Variants in PDE10A observed in about 807,000 individuals in gnomAD.
PDE10A encodes cAMP and cAMP-inhibited cGMP 3',5'-cyclic phosphodiesterase 10A.
PDE10A carries 39 observed loss-of-function variants against 97.7 expected under a neutral mutation model. The ratio of observed to expected loss-of-function variants is 0.40; its 90% confidence interval spans 0.31 to 0.52. The LOEUF is 0.52. PDE10A is among the 20% of genes least tolerant of loss of function. The pLI, the probability that PDE10A is intolerant of heterozygous loss-of-function variation, is 0.56. For synonymous variants in PDE10A, 371 were observed against 376.8 expected (o/e 0.98, Z 0.18); for missense variants, 731 against 1,047.8 (o/e 0.70, Z 4.17).
chr6:165,823,497 T>TGAACCTTA (rs1293699861), intron 1 of PDE10A, among the ~76,000 whole-genome samples: 2 of 83,682 alleles, frequency 2.4e-5, no homozygotes, highest in Non-Finnish European at 5.6e-5. Flanking sequence ...TATATATATA[T>TGAACCTTA]ATATATATAT....
chr6:165,521,547 A>T (rs1782129380), intron 2 of PDE10A, among the ~76,000 whole-genome samples: 1 of 152,214 alleles, frequency 6.6e-6, no homozygotes, highest in South Asian at 2.1e-4. Flanking sequence ...CATGAGTGAT[A>T]CAAAAGAGAA....
intron 1 of PDE10A, among the ~76,000 whole-genome samples, chr6:165,603,764 C>A (rs1024731370): frequency 6.6e-6 from 1 of 152,168 alleles, no homozygotes; most frequent in African/African-American, 2.4e-5. Flanking sequence ...AGTTCAATGA[C>A]GTATGTGTTA....
At chr6:165,489,765 T>G (rs1780119239) in intron 2 of PDE10A, among the ~76,000 whole-genome samples, 2 of 151,830 alleles carry the variant, frequency 1.3e-5, no homozygotes, top group African/African-American at 4.8e-5. Context: ...AATCACAACT[T>G]CCGGAAATGA....
intron 1 of PDE10A, among the ~76,000 whole-genome samples, chr6:165,613,101 A>T (rs1177058992): frequency 6.6e-6 from 1 of 152,218 alleles, no homozygotes; most frequent in Non-Finnish European, 1.5e-5. Context: ...CATACTTTAA[A>T]CTAGAAAACA....
chr6:165,353,603 G>A (rs1295005297), intron 18 of PDE10A, among the ~76,000 whole-genome samples: 1 of 152,172 alleles, frequency 6.6e-6, no homozygotes, highest in Non-Finnish European at 1.5e-5. Flanking sequence ...AAACTTAAAT[G>A]CATATTACTT....
At chr6:165,861,397 G>C (rs534672226) in intron 1 of PDE10A, among the ~76,000 whole-genome samples, 34 of 151,348 alleles carry the variant, frequency 2.2e-4, no homozygotes, top group African/African-American at 7.5e-4. Flanking sequence ...TCTCGGGGGG[G>C]CGCTATGGAG....
intron 1 of PDE10A, among the ~76,000 whole-genome samples, chr6:165,545,724 CTAT>C (rs1554283655): frequency 6.6e-6 from 1 of 151,882 alleles, no homozygotes; most frequent in Non-Finnish European, 1.5e-5. Context: ...TATTACACAC[CTAT>C]TAGAATGGCT....
intron 2 of PDE10A, among the ~76,000 whole-genome samples, chr6:165,498,168 T>G (rs1261677551): frequency 6.6e-6 from 1 of 151,714 alleles, no homozygotes; most frequent in African/African-American, 2.4e-5. Context: ...TCCCAGCACT[T>G]TGGGAGCTAG....
At chr6:165,548,276 C>CTTTTTTTTTTTT (rs57134252) in intron 1 of PDE10A, among the ~76,000 whole-genome samples, 1 of 105,664 alleles carries the variant, frequency 9.5e-6, no homozygotes, top group African/African-American at 3.7e-5. Context: ...CTTTAAATCT[C>CTTTTTTTTTTTT]TTTTTTTTTT....
chr6:165,497,516 C>T (rs1377592578), intron 2 of PDE10A, among the ~76,000 whole-genome samples: 1 of 152,066 alleles, frequency 6.6e-6, no homozygotes, highest in African/African-American at 2.4e-5. Flanking sequence ...AAGAAAATAT[C>T]ATATATAAAT....
intron 13 of PDE10A, among the ~76,000 whole-genome samples, chr6:165,397,056 T>C (rs1786228446): frequency 6.6e-6 from 1 of 152,214 alleles, no homozygotes; most frequent in Non-Finnish European, 1.5e-5. Context: ...TCATAGACTG[T>C]GTCTACAGAG....
intron 1 of PDE10A, among the ~76,000 whole-genome samples, chr6:165,921,933 A>G (rs1214061261): frequency 6.6e-6 from 1 of 152,182 alleles, no homozygotes; most frequent in Non-Finnish European, 1.5e-5. Flanking sequence ...TGCTGGGATT[A>G]GACTGCAGGG....
rs1491564286 is a variant in PDE10A at position 165,608,105 on chromosome 6, CAT to C, written c.865+53840_865+53841del. Among the ~76,000 whole-genome samples the C allele has an allele frequency of 3.5e-5, 5 of 141,448 alleles. No individual in the cohort carries two copies. The East Asian group carries it at 5.9e-4, about 17-fold the overall frequency. The allele number at this position is 141,448 out of a possible 152,430, so 92.8% of individuals were successfully genotyped here. A position where few individuals can be genotyped will look rare whatever the true frequency, so the allele number is the denominator to read the frequency against. On this transcript the variant is annotated intron_variant, in intron 1 of 21. Coordinates refer to ENST00000539869, the MANE Select transcript of PDE10A (RefSeq NM_001385079.1). ...ATGTATATATATGTGCATATATATACATGTATATATATATATTTTATTATACT... is the reference window on the plus strand; with the variant it reads ...ATGTATATATATGTGCATATATATACGTATATATATATATTTTATTATACT...
At chr6:165,357,394 G>C (rs921940615) in intron 18 of PDE10A, among the ~76,000 whole-genome samples, 2 of 152,102 alleles carry the variant, frequency 1.3e-5, no homozygotes, top group African/African-American at 4.8e-5. Flanking sequence ...TTGGAAATCA[G>C]GATTATTTAG....
intron 1 of PDE10A, among the ~76,000 whole-genome samples, chr6:165,712,104 C>G (rs1042453821): frequency 6.6e-6 from 1 of 151,942 alleles, no homozygotes. Flanking sequence ...GGAAGGGGCA[C>G]GGGCTGGAGG....
chr6:165,658,947 T>C (rs1471927718), intron 1 of PDE10A, among the ~76,000 whole-genome samples: 1 of 152,190 alleles, frequency 6.6e-6, no homozygotes, highest in Non-Finnish European at 1.5e-5. Flanking sequence ...TCTCTATTAC[T>C]GGATGGCAGA....
At chr6:165,473,180 A>G (rs1353994669) in intron 3 of PDE10A, among the ~76,000 whole-genome samples, 1 of 152,226 alleles carries the variant, frequency 6.6e-6, no homozygotes, top group African/African-American at 2.4e-5. Flanking sequence ...AAATGCTTAT[A>G]GCATAGTAAA....
intron 18 of PDE10A, among the ~76,000 whole-genome samples, chr6:165,351,800 T>C (rs1184903077): frequency 6.6e-6 from 1 of 152,218 alleles, no homozygotes; most frequent in Non-Finnish European, 1.5e-5. Context: ...CTGTGGAGCA[T>C]GGTCACTCTA....
At chr6:165,797,082 C>T (rs1778849980) in intron 1 of PDE10A, among the ~76,000 whole-genome samples, 1 of 152,180 alleles carries the variant, frequency 6.6e-6, no homozygotes, top group African/African-American at 2.4e-5. Context: ...CAGGACTCTC[C>T]TAGCAAATGG....
Sources: allele counts gnomAD v4.1 joint callset (sites outside exome capture counted in the v4.1 genomes callset), GRCh38; gene constraint gnomAD v4.1.1; transcripts MANE v1.5; gene names NCBI Gene and HGNC (gene_info 2026-07-23, HGNC 2026-07-21).